The following PTPRD variants were observed in gnomAD, a reference collection of about 807,000 sequenced individuals.
PTPRD encodes protein tyrosine phosphatase receptor type D.
Under a neutral mutation model 214.5 loss-of-function variants are expected in PTPRD, and 34 were observed. The ratio of observed to expected loss-of-function variants is 0.16; its 90% confidence interval spans 0.12 to 0.21. The LOEUF (loss-of-function observed/expected upper bound fraction) is 0.21, where lower values mean the gene tolerates loss of function less well. PTPRD is among the 10% of genes least tolerant of loss of function. The probability of loss-of-function intolerance (pLI) is 1.00; values close to 1 mark genes in which losing one functional copy is unlikely to be tolerated. For synonymous variants in PTPRD, 1,128 were observed against 845.7 expected (o/e 1.33, Z -5.79); for missense variants, 2,545 against 2,398.7 (o/e 1.06, Z -1.27).
chr9:9,797,741 G>T (rs182066839), intron 5 of PTPRD, among the ~76,000 whole-genome samples: 447 of 147,780 alleles, frequency 3.0e-3, no homozygotes, highest in African/African-American at 0.01. Flanking sequence ...AGCTACTCGG[G>T]GGGGGCTGAG....
intron 2 of PTPRD, among the ~76,000 whole-genome samples, chr9:10,568,915 G>C (rs2066533522): frequency 6.6e-6 from 1 of 152,082 alleles, no homozygotes; most frequent in Admixed American, 6.6e-5. Flanking sequence ...AGCCAAAATT[G>C]ACAAATGGGA....
At chr9:10,535,712 C>T (rs989857800) in intron 2 of PTPRD, among the ~76,000 whole-genome samples, 5 of 151,992 alleles carry the variant, frequency 3.3e-5, no homozygotes, top group African/African-American at 1.2e-4. Context: ...ACATATAAAA[C>T]ATCATTACAT....
intron 12 of PTPRD, among the ~76,000 whole-genome samples, chr9:8,695,010 G>C (rs1462359411): frequency 1.3e-5 from 2 of 152,142 alleles, no homozygotes; most frequent in Non-Finnish European, 2.9e-5. Flanking sequence ...CATAAAACCT[G>C]AGGGAGGGTG....
intron 5 of PTPRD, among the ~76,000 whole-genome samples, chr9:9,898,170 GAT>G (rs2075505871): frequency 6.6e-6 from 1 of 151,950 alleles, no homozygotes; most frequent in Non-Finnish European, 1.5e-5. Flanking sequence ...ATGTTTTAGG[GAT>G]AAACTAGGTC....
intron 3 of PTPRD, among the ~76,000 whole-genome samples, chr9:10,316,155 ATGTATATC>A (rs1229275836): frequency 7.5e-6 from 1 of 132,622 alleles, no homozygotes; most frequent in Non-Finnish European, 1.5e-5. Flanking sequence ...ATATGTATAT[ATGTATATC>A]TATGTATATA....
intron 13 of PTPRD, 138 bp from the exon 14 acceptor site, chr9:8,633,596 T>G: frequency 2.0e-6 from 2 of 977,366 alleles, no homozygotes; most frequent in Non-Finnish European, 3.0e-6. Flanking sequence ...TTTGATATAG[T>G]GGTGAAAAAA....
intron 3 of PTPRD, among the ~76,000 whole-genome samples, chr9:10,309,522 CT>C (rs771490425): frequency 0.023 from 1,882 of 83,062 alleles, 30 homozygotes; most frequent in African/African-American, 0.081. Context: ...CCAGCTATTT[CT>C]TTTTTTTTTT....
intron 3 of PTPRD, among the ~76,000 whole-genome samples, chr9:10,279,444 T>A (rs1271574327): frequency 6.6e-6 from 1 of 152,166 alleles, no homozygotes; most frequent in African/African-American, 2.4e-5. Flanking sequence ...CATCCCTGAA[T>A]GATTTCTTGG....
intron 9 of PTPRD, among the ~76,000 whole-genome samples, chr9:9,370,401 G>C (rs1282913864): frequency 1.3e-5 from 2 of 151,724 alleles, no homozygotes; most frequent in Non-Finnish European, 2.9e-5. Context: ...CTCATGATTT[G>C]GCTCTCTATT....
intron 11 of PTPRD, among the ~76,000 whole-genome samples, chr9:8,930,654 C>G (rs538551880): frequency 6.6e-6 from 1 of 152,206 alleles, no homozygotes; most frequent in Non-Finnish European, 1.5e-5. Context: ...GATCACCATT[C>G]TAACTGGTGT....
intron 11 of PTPRD, among the ~76,000 whole-genome samples, chr9:8,790,410 TG>T (rs139557418): frequency 0.35 from 53,021 of 151,638 alleles, 11,364 homozygotes; most frequent in Middle Eastern, 0.5. Flanking sequence ...GAATCTTGTC[TG>T]TTTTTTGTTT....
intron 9 of PTPRD, among the ~76,000 whole-genome samples, chr9:9,319,411 T>G (rs1965228267): frequency 6.6e-6 from 1 of 152,110 alleles, no homozygotes; most frequent in Admixed American, 6.6e-5. Context: ...CAAACAATCT[T>G]TAGTTGGCCA....
At chr9:10,125,423 TTTATTA>T (rs71485319) in intron 3 of PTPRD, among the ~76,000 whole-genome samples, 6,019 of 133,432 alleles carry the variant, frequency 0.045, 237 homozygotes, top group Admixed American at 0.11. Flanking sequence ...TTTGTTTTAT[TTTATTA>T]TTATTATTAT....
chr9:9,766,557 C>A (rs923879559), intron 6 of PTPRD, among the ~76,000 whole-genome samples: 1 of 152,066 alleles, frequency 6.6e-6, no homozygotes, highest in Non-Finnish European at 1.5e-5. Context: ...ATTTAACTTG[C>A]AAGAGCATTA....
intron 9 of PTPRD, among the ~76,000 whole-genome samples, chr9:9,331,234 G>A (rs1267363870): frequency 3.3e-5 from 5 of 151,980 alleles, no homozygotes; most frequent in Admixed American, 3.3e-4. Flanking sequence ...ACTTTAGCTT[G>A]CAAATGGGTT....
intron 36 of PTPRD, among the ~76,000 whole-genome samples, chr9:8,397,484 T>C (rs1030948125): frequency 1.3e-5 from 2 of 152,144 alleles, no homozygotes; most frequent in Non-Finnish European, 2.9e-5. Context: ...TTTTACTTAT[T>C]GAAAATACAT....
At chr9:9,654,346 T>C (rs1190608603) in intron 7 of PTPRD, among the ~76,000 whole-genome samples, 1 of 152,162 alleles carries the variant, frequency 6.6e-6, no homozygotes, top group Non-Finnish European at 1.5e-5. Context: ...TAAGTAATGA[T>C]TTCAATATGA....
chr9:10,238,944 A>G (rs2099637891), intron 3 of PTPRD, among the ~76,000 whole-genome samples: 1 of 151,898 alleles, frequency 6.6e-6, no homozygotes, highest in South Asian at 2.1e-4. Flanking sequence ...CAACATGGGA[A>G]TTTTAGCAGG....
chr9:8,456,841 C>G (rs2096224577), intron 33 of PTPRD, among the ~76,000 whole-genome samples: 1 of 151,912 alleles, frequency 6.6e-6, no homozygotes, highest in South Asian at 2.1e-4. Context: ...TCTAGGACCA[C>G]CTGATCTACA....
Sources: allele counts gnomAD v4.1 joint callset (sites outside exome capture counted in the v4.1 genomes callset), GRCh38; gene constraint gnomAD v4.1.1; transcripts MANE v1.5; gene names NCBI Gene and HGNC (gene_info 2026-07-23, HGNC 2026-07-21).